Variants in HSD11B1 observed in about 807,000 individuals in gnomAD.
HSD11B1 encodes 11-beta-hydroxysteroid dehydrogenase 1.
HSD11B1 carries 15 observed loss-of-function variants against 22.1 expected under a neutral mutation model. That is an observed-to-expected ratio of 0.68 (90% CI 0.45 to 1.04). HSD11B1 has a LOEUF of 1.04. HSD11B1 is among the 50% of genes least tolerant of loss of function. The probability of loss-of-function intolerance (pLI) is 0.00; values close to 1 mark genes in which losing one functional copy is unlikely to be tolerated. For missense variants in HSD11B1, 281 were observed against 357.6 expected (o/e 0.79, Z 1.73); for synonymous variants, 122 against 125.2 (o/e 0.97, Z 0.17).
intron 4 of HSD11B1, among the ~76,000 whole-genome samples, chr1:209,713,501 T>C (rs1456658345): frequency 1.3e-5 from 2 of 152,226 alleles, no homozygotes; most frequent in African/African-American, 4.8e-5. Context: ...TATGAGAAAT[T>C]CATTTCAGAA....
At position 209,734,487 on chromosome 1, in the gene HSD11B1, C is replaced by T. The variant is rs368554968; in HGVS notation, c.845C>T (p.Thr282Met). ...CRKILEFLYS[T>M]SYNMDRFINK Reference sequence around the variant, plus strand: ...AAGATCCTGGAATTTCTCTACTCAACGAGCTATAATATGGACAGATTCATA... The same window carrying T: ...AAGATCCTGGAATTTCTCTACTCAATGAGCTATAATATGGACAGATTCATA... The change falls in exon 6 of 6, where the codon ACG becomes ATG. Residue 282 changes from threonine (T) to methionine (M), a missense_variant. Physicochemically the swap from Thr to Met is moderately conservative, Grantham distance 81. Coordinates refer to ENST00000367027, the MANE Select transcript of HSD11B1 (RefSeq NM_005525.4). 3.5e-5 allele frequency: 57 copies of T among 1,613,876 alleles called. No homozygotes were observed. The highest frequency in any genetic ancestry group is 1.1e-4 in the African/African-American group (8 of 74,910).
chr1:209,706,894 G>A lies in HSD11B1; in HGVS notation c.332-49G>A. ...ACCAAGAGCTTTTGGGAGGAGAATG[G>A]GAAAGGTATCAACCCCAGATGATTT... On this transcript the variant is annotated intron_variant, in intron 3 of 5. Coordinates refer to ENST00000367027, the MANE Select transcript of HSD11B1 (RefSeq NM_005525.4). This position sits in a 1 kb window ranked among gnomAD's most constrained non-coding sequence, Gnocchi z 4.0. The A allele has an allele frequency of 6.2e-7, 1 of 1,609,336 alleles. No homozygotes were observed.
intron 4 of HSD11B1, among the ~76,000 whole-genome samples, chr1:209,721,427 T>C (rs1192380985): frequency 2.7e-5 from 4 of 149,156 alleles, no homozygotes; most frequent in Non-Finnish European, 5.9e-5. Context: ...TTGTGTGTAC[T>C]ATTCTTGCAA....
chr1:209,706,655 A>C lies in HSD11B1; in HGVS notation c.220-54A>C. On this transcript the variant is annotated intron_variant, in intron 2 of 5. Coordinates refer to ENST00000367027, the MANE Select transcript of HSD11B1 (RefSeq NM_005525.4). This position sits in a 1 kb window ranked among gnomAD's most constrained non-coding sequence, Gnocchi z 4.0. The stretch of plus-strand genomic sequence containing the variant: ...TAAGCCCCCCGTTACTTCAGAGACT[A>C]CCCCCCAAAAATCTGCAGCTAAGAC... 1 of 1,167,864 alleles carries C rather than the reference A, an allele frequency of 8.6e-7. No individual in the cohort carries two copies. The highest frequency in any genetic ancestry group is 1.3e-6 in the Non-Finnish European group (1 of 776,276). The allele number at this position is 1,167,864 out of a possible 1,614,324, so 72.3% of individuals were successfully genotyped here.
intron 5 of HSD11B1, 98 bp downstream of exon 5, chr1:209,732,677 C>A: frequency 9.9e-7 from 1 of 1,014,036 alleles, no homozygotes; most frequent in Non-Finnish European, 1.6e-6. Context: ...TATGCATGTG[C>A]CATGTTGGTG....
intron 1 of HSD11B1, among the ~76,000 whole-genome samples, chr1:209,696,078 T>G (rs568593792): frequency 6.6e-6 from 1 of 152,288 alleles, no homozygotes; most frequent in East Asian, 1.9e-4. Flanking sequence ...CTCAAAAACA[T>G]GTTAAGTGAA....
intron 4 of HSD11B1, among the ~76,000 whole-genome samples, chr1:209,726,330 C>T (rs893412427): frequency 6.8e-6 from 1 of 147,616 alleles, no homozygotes; most frequent in African/African-American, 2.5e-5. Flanking sequence ...AGGCTTGGCA[C>T]AGTGGCTCAT....
chr1:209,713,427 C>T (rs986606576), intron 4 of HSD11B1, among the ~76,000 whole-genome samples: 1 of 152,150 alleles, frequency 6.6e-6, no homozygotes, highest in African/African-American at 2.4e-5. Context: ...ATCATAGAAA[C>T]ATTTCAATAA....
chr1:209,692,390 C>T (rs2076765127), intron 1 of HSD11B1, among the ~76,000 whole-genome samples: 1 of 151,870 alleles, frequency 6.6e-6, no homozygotes, highest in Non-Finnish European at 1.5e-5. Flanking sequence ...CCAAATACAC[C>T]ATGGGAAGTG....
chr1:209,734,789 CTT>C lies in HSD11B1; in HGVS notation c.*269_*270del, dbSNP rs1440534298. 9.0e-6 allele frequency: 2 copies of C among 221,304 alleles called. No homozygotes were observed. The highest frequency in any genetic ancestry group is 1.8e-5 in the Non-Finnish European group (2 of 110,274). The allele number at this position is 221,304 out of a possible 1,614,324, so 13.7% of individuals were successfully genotyped here. Reference sequence around the variant, plus strand: ...CCAGATAGTTATATTAAATTTATATCTTATATATAATAATATGTGATGATTAA... The same window carrying C: ...CCAGATAGTTATATTAAATTTATATCATATATAATAATATGTGATGATTAA... On this transcript the variant is annotated 3_prime_UTR_variant, in exon 6 of 6. Transcript: ENST00000367027.
At chr1:209,693,134 T>C (rs531144104) in intron 1 of HSD11B1, among the ~76,000 whole-genome samples, 1 of 152,320 alleles carries the variant, frequency 6.6e-6, no homozygotes, top group East Asian at 1.9e-4. Flanking sequence ...GCATCCTAAA[T>C]CTAGAAATTC....
In HSD11B1 at chr1:209,734,462, A is replaced by C; in HGVS notation, c.820A>C (p.Lys274Gln). 6.2e-7 allele frequency: 1 copy of C among 1,614,134 alleles called. No homozygotes were observed. Among genetic ancestry groups the C allele is most frequent in the Non-Finnish European group, 8.5e-7 (1 of 1,179,990 alleles). ...TTLLIRNPCR[K>Q]ILEFLYSTSY... ...TCTTCTGATCAGAAATCCATGCAGG[A>C]AGATCCTGGAATTTCTCTACTCAAC... Residue 274 changes from lysine to glutamine, a missense_variant, in exon 6 of 6, where the codon AAG (lysine) becomes CAG (glutamine). Lys to Gln is a moderately conservative substitution (Grantham distance 53). Transcript: ENST00000367027.
intron 1 of HSD11B1, among the ~76,000 whole-genome samples, chr1:209,686,579 T>C (rs1400751784): frequency 6.6e-6 from 1 of 152,190 alleles, no homozygotes; most frequent in Non-Finnish European, 1.5e-5. Context: ...GAAAGTCAAG[T>C]TGGAACAAAA....
chr1:209,728,456 C>T (rs2077016436), intron 4 of HSD11B1, among the ~76,000 whole-genome samples: 1 of 152,168 alleles, frequency 6.6e-6, no homozygotes, highest in African/African-American at 2.4e-5. Flanking sequence ...TTATTATCCA[C>T]ATATTACAGC....
At chr1:209,723,133 T>C (rs995702385) in intron 4 of HSD11B1, among the ~76,000 whole-genome samples, 3 of 152,194 alleles carry the variant, frequency 2.0e-5, no homozygotes, top group African/African-American at 7.2e-5. Context: ...GTGTCCCATA[T>C]TTTGCTTCAG....
In HSD11B1 at chr1:209,734,488, G is replaced by A. The variant is rs774731124; in HGVS notation, c.846G>A (p.Thr282=). The part of the protein sequence containing the change: ...CRKILEFLYS[T]SYNMDRFINK ...AGATCCTGGAATTTCTCTACTCAAC[G>A]AGCTATAATATGGACAGATTCATAA... is the stretch of plus-strand genomic sequence containing the variant. Residue 282 remains threonine (T), a synonymous_variant, in exon 6 of 6, where the codon ACG becomes ACA. Coordinates refer to ENST00000367027, the MANE Select transcript of HSD11B1 (RefSeq NM_005525.4). The A allele has an allele frequency of 2.2e-5, 35 of 1,613,916 alleles. No individual in the cohort carries two copies. Among genetic ancestry groups the A allele is most frequent in the East Asian group, 8.9e-5 (4 of 44,876 alleles).
intron 4 of HSD11B1, chr1:209,724,164 T>C (rs1240873017): frequency 1.3e-5 from 2 of 152,244 alleles, no homozygotes; most frequent in Admixed American, 6.5e-5. Context: ...AGAGTTTCCA[T>C]AGGTGTGACA....
In HSD11B1 at chr1:209,706,915, G is replaced by A. The variant is rs763184496; in HGVS notation, c.332-28G>A. Reference sequence around the variant, plus strand: ...AATGGGAAAGGTATCAACCCCAGATGATTTCTTAATATAGCCATCTCTTGC... The same window carrying A: ...AATGGGAAAGGTATCAACCCCAGATAATTTCTTAATATAGCCATCTCTTGC... On this transcript the variant is annotated intron_variant, in intron 3 of 5. Transcript: ENST00000367027. This position sits in a 1 kb window ranked among gnomAD's most constrained non-coding sequence, Gnocchi z 4.0. 6.8e-6 allele frequency: 11 copies of A among 1,612,476 alleles called. No individual in the cohort carries two copies. Among genetic ancestry groups the A allele is most frequent in the Non-Finnish European group, 9.3e-6 (11 of 1,178,600 alleles).
intron 4 of HSD11B1, among the ~76,000 whole-genome samples, chr1:209,717,871 C>CAAAAAAAA (rs1015577238): frequency 2.5e-5 from 1 of 39,626 alleles, no homozygotes; most frequent in African/African-American, 7.7e-5. Flanking sequence ...GACTCCATCT[C>CAAAAAAAA]AAAAAAAAAA....
Sources: gnomAD v4.1 joint callset for allele counts (sites outside exome capture counted in the v4.1 genomes callset) on GRCh38, gnomAD v4.1.1 for gene constraint, Gnocchi (gnomAD v3.1) non-coding constraint, MANE v1.5 for transcripts, NCBI Gene and HGNC (gene_info 2026-07-23, HGNC 2026-07-21) for gene names.